The following PPBP variants were observed in gnomAD, a reference collection of about 807,000 sequenced individuals.
PPBP encodes the protein pro-platelet basic protein.
A neutral mutation model predicts 8.3 loss-of-function variants in PPBP; 8 were observed. The observed-to-expected ratio is 0.97, with a 90% CI of 0.57 to 1.75. The LOEUF is 1.75. Among genes scored for constraint, PPBP ranks in the 40% most tolerant of loss-of-function variants. The pLI, the probability that PPBP is intolerant of heterozygous loss-of-function variation, is 0.00. For synonymous variants in PPBP, 64 were observed against 58.9 expected, an observed-to-expected ratio of 1.09 and a Z score of -0.40; for missense variants, 169 against 149.2, an observed-to-expected ratio of 1.13 and a Z score of -0.69.
At chr4:73,987,848 G>T in intron 1 of PPBP, 108 bp downstream of exon 1, 1 of 1,523,254 alleles carries the variant, frequency 6.6e-7, no homozygotes, top group Non-Finnish European at 9.0e-7. Flanking sequence ...TCCAATTGGA[G>T]TTATTGGTAT....
In PPBP at chr4:73,987,191, T is replaced by A; in HGVS notation, c.*81A>T. On this transcript the variant is annotated 3_prime_UTR_variant, in exon 3 of 3. Transcript: ENST00000296028. ...ATACAGTAAGAATAGGTATCCTGAA[T>A]AAATGAGAACTCTAGAAAATCAAGG... 1 of 1,244,906 alleles carries A rather than the reference T, an allele frequency of 8.0e-7. No individual in the cohort carries two copies. The highest frequency in any genetic ancestry group is 1.3e-5 in the South Asian group (1 of 79,994). The allele number at this position is 1,244,906 out of a possible 1,614,324, so 77.1% of individuals were successfully genotyped here.
Position 73,986,745 on chromosome 4 carries a change from G to T in PPBP, c.*527C>A, listed in dbSNP as rs1307734668. Among the ~76,000 whole-genome samples the T allele has an allele frequency of 6.6e-6, 1 of 152,148 alleles. No homozygotes were observed. The highest frequency in any genetic ancestry group is 2.1e-4 in the South Asian group (1 of 4,820). ...TCATATTCACCAATTTATTATTTTA[G>T]TGTTTGATGGCTAAAATAAACATCA... On this transcript the variant is annotated 3_prime_UTR_variant, in exon 3 of 3. Transcript: ENST00000296028.
At chr4:73,987,758 T>A in intron 1 of PPBP, 106 bp from the exon 2 acceptor site, 1 of 1,475,718 alleles carries the variant, frequency 6.8e-7, no homozygotes, top group Non-Finnish European at 9.3e-7. Context: ...ATTGTGAATA[T>A]GATCTGTAAC....
rs1222517671 is a variant in PPBP at position 73,986,628 on chromosome 4, T to C, written c.*644A>G. On this transcript the variant is annotated 3_prime_UTR_variant, in exon 3 of 3. Transcript: ENST00000296028. ...CATTCTAATGATAGAATTATAACTA[T>C]GTAGATATGTTAATTCATTTTCATC... Among the ~76,000 whole-genome samples, 1 of 152,168 alleles carries C rather than the reference T, an allele frequency of 6.6e-6. No homozygotes were observed. The highest frequency in any genetic ancestry group is 2.4e-5 in the African/African-American group (1 of 41,460).
intron 1 of PPBP, 132 bp downstream of exon 1, chr4:73,987,824 C>T (rs1719004783): frequency 2.0e-6 from 3 of 1,465,338 alleles, no homozygotes; most frequent in African/African-American, 1.4e-5. Flanking sequence ...GAAGTGACCC[C>T]CCTGTGTGTC....
intron 1 of PPBP, 103 bp from the exon 2 acceptor site, chr4:73,987,755 A>C: frequency 6.8e-7 from 1 of 1,477,720 alleles, no homozygotes; most frequent in African/African-American, 1.4e-5. Flanking sequence ...GCCATTGTGA[A>C]TATGATCTGT....
chr4:73,987,769 G>T, intron 1 of PPBP, 117 bp from the exon 2 acceptor site: 2 of 1,453,676 alleles, frequency 1.4e-6, no homozygotes, highest in African/African-American at 1.4e-5. Context: ...GATCTGTAAC[G>T]CTTTAGTAAA....
rs1165956138 is a variant in PPBP, at chr4:73,986,732, A to G, written c.*540T>C. On this transcript the variant is annotated 3_prime_UTR_variant, in exon 3 of 3. Coordinates refer to ENST00000296028, the MANE Select transcript of PPBP (RefSeq NM_002704.3). ...CAGTTTATAAGATTCATATTCACCA[A>G]TTTATTATTTTAGTGTTTGATGGCT... is the stretch of plus-strand genomic sequence containing the variant. Among the ~76,000 whole-genome samples the G allele has an allele frequency of 6.6e-6, 1 of 152,190 alleles. No individual in the cohort carries two copies. Among genetic ancestry groups the G allele is most frequent in the African/African-American group, 2.4e-5 (1 of 41,454 alleles).
Position 73,987,389 on chromosome 4 carries a change from AG to A in PPBP, c.285-16del. ...TCAGTGTGGCTCTGCAAAAGAGAAC[AG>A]GGTTATCTGTGGGTGTCCTGATCTG... On this transcript the variant is annotated splice_polypyrimidine_tract_variant and intron_variant, in intron 2 of 2. Transcript: ENST00000296028. 6.2e-7 allele frequency: 1 copy of A among 1,610,448 alleles called. No homozygotes were observed.
In PPBP at chr4:73,987,292, C is replaced by G. The variant is rs1425135526; in HGVS notation, c.367G>C (p.Gly123Arg). Residue 123 changes from glycine (G) to arginine (R), a missense_variant, in exon 3 of 3, where the codon GGT (glycine) becomes CGT (arginine). Coordinates refer to ENST00000296028, the MANE Select transcript of PPBP (RefSeq NM_002704.3). ...IKKIVQKKLA[G>R]DESAD ...ACAAATTAATCAGCAGATTCATCAC[C>G]TGCCAATTTTTTCTGTACAATTTTC... 6.2e-7 allele frequency: 1 copy of G among 1,612,230 alleles called. No homozygotes were observed. The highest frequency in any genetic ancestry group is 2.2e-5 in the East Asian group (1 of 44,866).
In PPBP at chr4:73,987,011, G is replaced by GA. The variant is rs1213449979; in HGVS notation, c.*260dup. ...TTGTGTTAGAATAGAAATTTTTAAA[G>GA]AAAAAAATGCAAAGTACAGTCCAAT... is the stretch of plus-strand genomic sequence containing the variant. On this transcript the variant is annotated 3_prime_UTR_variant, in exon 3 of 3. Transcript: ENST00000296028. The GA allele has an allele frequency of 1.5e-5, 6 of 411,504 alleles. No individual in the cohort carries two copies. The highest frequency in any genetic ancestry group is 6.1e-5 in the South Asian group (2 of 33,002). 25.5% of individuals were successfully genotyped at this position (411,504 alleles called of 1,614,324 possible).
Position 73,988,080 on chromosome 4 carries a change from G to A in PPBP, c.24C>T (p.Thr8=). Residue 8 remains threonine (T), a synonymous_variant, in exon 1 of 3, where the codon ACC becomes ACT. Coordinates refer to ENST00000296028, the MANE Select transcript of PPBP (RefSeq NM_002704.3). MSLRLDT[T]PSCNSARPLH... is the part of the protein sequence containing the mutation. ...GTGGTCTCGCACTGTTACAGGAAGG[G>A]GTGGTATCAAGTCTGAGGCTCATGG... 6.2e-7 allele frequency: 1 copy of A among 1,614,054 alleles called. No individual in the cohort carries two copies. The highest frequency in any genetic ancestry group is 8.5e-7 in the Non-Finnish European group (1 of 1,179,924).
rs888029172 is a variant in PPBP, at chr4:73,986,591, A to G, written c.*681T>C. On this transcript the variant is annotated 3_prime_UTR_variant, in exon 3 of 3. Coordinates refer to ENST00000296028, the MANE Select transcript of PPBP (RefSeq NM_002704.3). ...AAGGTTGAAGTCCTATATTGTACTT[A>G]TTTATAAGGCTCATTCTAATGATAG... 5.9e-5 allele frequency among the ~76,000 whole-genome samples: 9 copies of G among 152,274 alleles called. No individual in the cohort carries two copies. The highest frequency in any genetic ancestry group is 5.9e-4 in the Admixed American group (9 of 15,294).
At position 73,986,721 on chromosome 4, in the gene PPBP, C is replaced by A. The variant is rs1162591363; in HGVS notation, c.*551G>T. Among the ~76,000 whole-genome samples, 2 of 152,112 alleles carry A rather than the reference C, an allele frequency of 1.3e-5. No homozygotes were observed. Among genetic ancestry groups the A allele is most frequent in the African/African-American group, 4.8e-5 (2 of 41,436 alleles). On this transcript the variant is annotated 3_prime_UTR_variant, in exon 3 of 3. Coordinates refer to ENST00000296028, the MANE Select transcript of PPBP (RefSeq NM_002704.3). ...CCAGCTAACCACAGTTTATAAGATT[C>A]ATATTCACCAATTTATTATTTTAGT...
Position 73,986,986 on chromosome 4 carries a change from T to G in PPBP, c.*286A>C. ...AGTAGACCAGGAAAAATCAACCAAG[T>G]TGTGTTAGAATAGAAATTTTTAAAG... is the stretch of plus-strand genomic sequence containing the variant. On this transcript the variant is annotated 3_prime_UTR_variant, in exon 3 of 3. Transcript: ENST00000296028. 2.8e-6 allele frequency: 1 copy of G among 354,212 alleles called. No homozygotes were observed. Among genetic ancestry groups the G allele is most frequent in the East Asian group, 7.0e-5 (1 of 14,232 alleles). The allele number at this position is 354,212 out of a possible 1,614,324, so 21.9% of individuals were successfully genotyped here. A position where few individuals can be genotyped will look rare whatever the true frequency, so the allele number is the denominator to read the frequency against.
At position 73,986,903 on chromosome 4, in the gene PPBP, A is replaced by T. The variant is rs1188841054; in HGVS notation, c.*369T>A. On this transcript the variant is annotated 3_prime_UTR_variant, in exon 3 of 3. Coordinates refer to ENST00000296028, the MANE Select transcript of PPBP (RefSeq NM_002704.3). ...CTCTGTTGGGCTCCATGTAATTCCT[A>T]TTATCATTGACCATTATGAAATCTA... is the stretch of plus-strand genomic sequence containing the variant. 4.7e-5 allele frequency: 10 copies of T among 210,994 alleles called. No homozygotes were observed. The Admixed American group carries it at 5.1e-4, about 11-fold the overall frequency. 13.1% of individuals were successfully genotyped at this position (210,994 alleles called of 1,614,324 possible).
At position 73,987,268 on chromosome 4, in the gene PPBP, C is replaced by A; in HGVS notation, c.*4G>T. On this transcript the variant is annotated 3_prime_UTR_variant, in exon 3 of 3. Transcript: ENST00000296028. ...TTAAAGAAGTTTGGCAGAAACAGAACAAATTAATCAGCAGATTCATCACCT... is the reference window on the plus strand; with the variant it reads ...TTAAAGAAGTTTGGCAGAAACAGAAAAAATTAATCAGCAGATTCATCACCT... 6.3e-7 allele frequency: 1 copy of A among 1,599,866 alleles called. No homozygotes were observed. The highest frequency in any genetic ancestry group is 2.2e-5 in the East Asian group (1 of 44,814).
rs1191075380 is a variant in PPBP at position 73,987,625 on chromosome 4, G to A, written c.176C>T (p.Ala59Val). The change falls in exon 2 of 3, where the codon GCT becomes GTT. Residue 59 changes from alanine (A) to valine (V), a missense_variant. Coordinates refer to ENST00000296028, the MANE Select transcript of PPBP (RefSeq NM_002704.3). ...KEESLDSDLY[A>V]ELRCMCIKTT... ...CTTTATACACATGCAGCGGAGTTCA[G>A]CATACAAGTCACTGTCTAGACTTTC... 1.2e-6 allele frequency: 2 copies of A among 1,613,664 alleles called. No homozygotes were observed. The highest frequency in any genetic ancestry group is 2.2e-5 in the South Asian group (2 of 91,070).
At position 73,987,572 on chromosome 4, in the gene PPBP, T is replaced by A; in HGVS notation, c.229A>T (p.Ile77Phe). ...TTCCCGATCACTTCCAAACTTTGGATGTTTTTGGGATGAATTCCAGAGGTT... is the reference window on the plus strand; with the variant it reads ...TTCCCGATCACTTCCAAACTTTGGAAGTTTTTGGGATGAATTCCAGAGGTT... Reference protein sequence around the residue: ...KTTSGIHPKNIQSLEVIGKGT... With the variant: ...KTTSGIHPKNFQSLEVIGKGT... The change falls in exon 2 of 3, where the codon ATC (isoleucine) becomes TTC (phenylalanine). Residue 77 changes from isoleucine to phenylalanine, a missense_variant. Transcript: ENST00000296028. 1 of 1,614,142 alleles carries A rather than the reference T, an allele frequency of 6.2e-7. No individual in the cohort carries two copies. Among genetic ancestry groups the A allele is most frequent in the Non-Finnish European group, 8.5e-7 (1 of 1,179,986 alleles).
Sources: allele counts gnomAD v4.1 joint callset (sites outside exome capture counted in the v4.1 genomes callset), GRCh38; gene constraint gnomAD v4.1.1; transcripts MANE v1.5; gene names NCBI Gene and HGNC (gene_info 2026-07-23, HGNC 2026-07-21).